Variants in EBF3 observed in about 807,000 individuals in gnomAD.
EBF3 encodes the protein EBF transcription factor 3.
A neutral mutation model predicts 77.1 loss-of-function variants in EBF3; 18 were observed. The ratio of observed to expected loss-of-function variants is 0.23; its 90% CI spans 0.16 to 0.35. EBF3 has a LOEUF of 0.35. Among genes scored for constraint, EBF3 ranks in the 10% least tolerant of loss-of-function variants. The pLI, the probability that EBF3 is intolerant of heterozygous loss-of-function variation, is 1.00. For missense variants in EBF3, 558 were observed against 860.0 expected, an observed-to-expected ratio of 0.65 and a Z score of 4.39; for synonymous variants, 350 against 343.5, an observed-to-expected ratio of 1.02 and a Z score of -0.21.
chr10:129,953,103 A>G (rs1052865480), intron 6 of EBF3, among the ~76,000 whole-genome samples: 9 of 151,518 alleles, frequency 5.9e-5, no homozygotes, highest in African/African-American at 1.9e-4. Context: ...AAAATCTCCA[A>G]TCGTTGGGCT....
At chr10:129,907,541 G>A (rs1386972695) in intron 6 of EBF3, among the ~76,000 whole-genome samples, 1 of 152,190 alleles carries the variant, frequency 6.6e-6, no homozygotes, top group African/African-American at 2.4e-5. Context: ...AATGTGAGGT[G>A]CTGTGGCATT....
chr10:129,902,886 G>A (rs1489378950), intron 6 of EBF3, among the ~76,000 whole-genome samples: 2 of 152,186 alleles, frequency 1.3e-5, no homozygotes, highest in East Asian at 3.8e-4. Context: ...CGCCCACCCT[G>A]CCCCTGGGCC....
At chr10:129,847,073 G>A (rs770646857) in intron 11 of EBF3, among the ~76,000 whole-genome samples, 40 of 152,218 alleles carry the variant, frequency 2.6e-4, no homozygotes, top group Non-Finnish European at 4.6e-4. Context: ...CACCTGTGGC[G>A]CCAACACCAG....
intron 6 of EBF3, among the ~76,000 whole-genome samples, chr10:129,911,668 C>G (rs1415817347): frequency 6.6e-6 from 1 of 152,150 alleles, no homozygotes; most frequent in South Asian, 2.1e-4. Flanking sequence ...GGGGCAGGGA[C>G]AGTTAGCCGA....
chr10:129,887,058 G>GGGT (rs1554907251), intron 6 of EBF3, among the ~76,000 whole-genome samples: 1 of 100,322 alleles, frequency 1.0e-5, no homozygotes, highest in Non-Finnish European at 2.2e-5. Context: ...TGTGGGCGGG[G>GGGT]GGGGGGGGGA....
At chr10:129,927,146 C>T (rs1043003245) in intron 6 of EBF3, among the ~76,000 whole-genome samples, 1 of 152,176 alleles carries the variant, frequency 6.6e-6, no homozygotes, top group Non-Finnish European at 1.5e-5. Context: ...GCGACACAAC[C>T]GACCAGGCTC....
rs1858320402 is a variant in EBF3, at chr10:129,947,573, T to C, written c.554+9685A>G. The stretch of plus-strand genomic sequence containing the variant: ...CTATTTACATATTCCAAAATAGTAT[T>C]ATTGAGGAAATAAACCCCTTATAAT... On this transcript the variant is annotated intron_variant, in intron 6 of 16. Transcript: ENST00000440978. This position sits in a 1 kb window ranked among gnomAD's most constrained non-coding sequence, Gnocchi z 4.5. Among the ~76,000 whole-genome samples the C allele has an allele frequency of 6.6e-6, 1 of 152,130 alleles. No individual in the cohort carries two copies. The highest frequency in any genetic ancestry group is 1.5e-5 in the Non-Finnish European group (1 of 68,030).
In EBF3 at chr10:129,848,550, A is replaced by G. The variant is rs1223762509; in HGVS notation, c.1040-70T>C. ...GTCATCCATTACTCGTTTATTGCACACTTACAAATAAATGTGTAGTTCTCC... is the reference window on the plus strand; with the variant it reads ...GTCATCCATTACTCGTTTATTGCACGCTTACAAATAAATGTGTAGTTCTCC... On this transcript the variant is annotated intron_variant, in intron 10 of 16. Coordinates refer to ENST00000440978, the MANE Select transcript of EBF3 (RefSeq NM_001375380.1). This position sits in a 1 kb window ranked among gnomAD's most constrained non-coding sequence, Gnocchi z 4.4. 3 of 1,504,406 alleles carry G rather than the reference A, an allele frequency of 2.0e-6. No homozygotes were observed. The East Asian group carries it at 6.8e-5, about 34-fold the overall frequency. The allele number at this position is 1,504,406 out of a possible 1,614,324, so 93.2% of individuals were successfully genotyped here.
chr10:129,843,351 C>A, intron 11 of EBF3, 149 bp from the exon 12 acceptor site: 1 of 741,238 alleles, frequency 1.3e-6, no homozygotes. Context: ...AAGGCAGGCA[C>A]AGACAGGAAG....
chr10:129,963,013 T>G lies in EBF3; in HGVS notation c.292-8A>C. On this transcript the variant is annotated splice_polypyrimidine_tract_variant and splice_region_variant and intron_variant, in intron 2 of 16. Transcript: ENST00000440978. This position sits in a 1 kb window ranked among gnomAD's most constrained non-coding sequence, Gnocchi z 7.1. Reference sequence around the variant, plus strand: ...TTTCTCGTTGTTTGGCTCCTGAAAGTAACGATAAATAATTGCATTTAGTGC... The same window carrying G: ...TTTCTCGTTGTTTGGCTCCTGAAAGGAACGATAAATAATTGCATTTAGTGC... The G allele has an allele frequency of 6.2e-7, 1 of 1,614,136 alleles. No individual in the cohort carries two copies. The highest frequency in any genetic ancestry group is 8.5e-7 in the Non-Finnish European group (1 of 1,179,998).
chr10:129,900,468 A>C (rs1854702278), intron 6 of EBF3, among the ~76,000 whole-genome samples: 1 of 152,222 alleles, frequency 6.6e-6, no homozygotes, highest in Non-Finnish European at 1.5e-5. Context: ...CCCAGCGGTC[A>C]GCACCAGCAA....
chr10:129,919,415 A>C (rs1856116115), intron 6 of EBF3, among the ~76,000 whole-genome samples: 1 of 152,136 alleles, frequency 6.6e-6, no homozygotes, highest in Non-Finnish European at 1.5e-5. Context: ...TGACGAGGCC[A>C]GAGATAGCGA....
intron 7 of EBF3, among the ~76,000 whole-genome samples, chr10:129,877,285 G>A (rs1589765753): frequency 6.6e-6 from 1 of 152,210 alleles, no homozygotes; most frequent in South Asian, 2.1e-4. Context: ...GAGGTCAGGA[G>A]CTTGAGACCA....
intron 10 of EBF3, among the ~76,000 whole-genome samples, chr10:129,856,064 T>C (rs975441514): frequency 6.6e-6 from 1 of 152,212 alleles, no homozygotes; most frequent in African/African-American, 2.4e-5. Flanking sequence ...AGCCACCCCA[T>C]GCACTTGTTC....
chr10:129,867,678 G>A, intron 9 of EBF3, 104 bp downstream of exon 9: 1 of 1,543,208 alleles, frequency 6.5e-7, no homozygotes, highest in Non-Finnish European at 8.8e-7. Flanking sequence ...TGTTAAAAGG[G>A]GAATTTGCCA....
At chr10:129,896,891 G>T (rs886298858) in intron 6 of EBF3, among the ~76,000 whole-genome samples, 2 of 152,142 alleles carry the variant, frequency 1.3e-5, no homozygotes, top group African/African-American at 4.8e-5. Context: ...CGAGAGAGAA[G>T]CCTGCCCACG....
Position 129,837,911 on chromosome 10 carries a change from A to G in EBF3, c.*32T>C. ...CGTCCTTTGATGCTGGGTGCTGCGG[A>G]AGGTAAACAGAAGTCCCTCACATTG... On this transcript the variant is annotated 3_prime_UTR_variant, in exon 17 of 17. Transcript: ENST00000440978. 8 of 1,613,918 alleles carry G rather than the reference A, an allele frequency of 5.0e-6. No homozygotes were observed. Among genetic ancestry groups the G allele is most frequent in the Non-Finnish European group, 6.8e-6 (8 of 1,180,006 alleles).
chr10:129,893,687 T>A (rs1435082002), intron 6 of EBF3, among the ~76,000 whole-genome samples: 2 of 152,216 alleles, frequency 1.3e-5, no homozygotes, highest in South Asian at 2.1e-4. Context: ...CTCCAGCTAA[T>A]CTGCAAATCA....
intron 5 of EBF3, among the ~76,000 whole-genome samples, chr10:129,958,050 GCTTT>G (rs1185672176): frequency 1.3e-5 from 2 of 152,164 alleles, no homozygotes; most frequent in Non-Finnish European, 2.9e-5. Context: ...ACATCTGTGC[GCTTT>G]CTATGTTAAT....
Sources: allele counts gnomAD v4.1 joint callset (sites outside exome capture counted in the v4.1 genomes callset), GRCh38; gene constraint gnomAD v4.1.1; non-coding constraint Gnocchi (gnomAD v3.1); transcripts MANE v1.5; gene names NCBI Gene and HGNC (gene_info 2026-07-23, HGNC 2026-07-21).